The following ELF1 variants were observed in gnomAD, a reference collection of about 807,000 sequenced individuals.
The protein encoded by ELF1 is ETS-related transcription factor Elf-1.
A neutral mutation model predicts 59.9 loss-of-function variants in ELF1; 24 were observed. The ratio of observed to expected loss-of-function variants is 0.40; its 90% CI spans 0.29 to 0.56. The LOEUF is 0.56. ELF1 is among the 20% of genes least tolerant of loss of function. The probability of loss-of-function intolerance (pLI) is 0.44; values close to 1 mark genes in which losing one functional copy is unlikely to be tolerated. For synonymous variants in ELF1, 248 were observed against 266.2 expected (o/e 0.93, Z 0.67); for missense variants, 627 against 742.2 (o/e 0.84, Z 1.80).
At chr13:40,982,453 T>C (rs1472592966) in intron 1 of ELF1, among the ~76,000 whole-genome samples, 171 bp from the exon 2 acceptor site, 1 of 151,940 alleles carries the variant, frequency 6.6e-6, no homozygotes, top group Non-Finnish European at 1.5e-5. Context: ...ATATTTTATT[T>C]GAACAGTTTG....
chr13:41,006,504 ATCACCT>A (rs1231037332), intron 1 of ELF1, among the ~76,000 whole-genome samples: 1 of 152,160 alleles, frequency 6.6e-6, no homozygotes, highest in Non-Finnish European at 1.5e-5. Flanking sequence ...CCTAGTGTCC[ATCACCT>A]ACCCAACAAT....
chr13:41,060,199 C>A (rs7320923), intron 1 of ELF1, among the ~76,000 whole-genome samples: 1 of 152,128 alleles, frequency 6.6e-6, no homozygotes, highest in African/African-American at 2.4e-5. Context: ...CGCGTCCCCC[C>A]GGGAGGGCGC....
chr13:40,955,713 G>A (rs1402268136), intron 3 of ELF1, among the ~76,000 whole-genome samples: 25 of 122,000 alleles, frequency 2.0e-4, no homozygotes, highest in South Asian at 1.3e-3. Flanking sequence ...CGCCCCATCC[G>A]GGAGGGAGGC....
In ELF1 at chr13:40,969,967, T is replaced by A. The variant is rs537196421; in HGVS notation, c.73-10951A>T. Among the ~76,000 whole-genome samples, 8 of 152,314 alleles carry A rather than the reference T, an allele frequency of 5.3e-5. No individual in the cohort carries two copies. In the East Asian group the frequency reaches 1.5e-3, roughly 29 times the overall value. On this transcript the variant is annotated intron_variant, in intron 2 of 8. Transcript: ENST00000239882. ...ACGAAACTATCTGGGCCTACAGGTT[T>A]TGTGCATGTGGGGATTGTTCCCTGG...
chr13:41,058,522 G>A (rs898911037), intron 1 of ELF1, among the ~76,000 whole-genome samples: 2 of 152,180 alleles, frequency 1.3e-5, no homozygotes, highest in African/African-American at 2.4e-5. Flanking sequence ...ACAACTACAC[G>A]AAAGATAAAT....
Position 40,949,829 on chromosome 13 carries a change from G to A in ELF1, c.506C>T (p.Pro169Leu). The A allele has an allele frequency of 6.2e-7, 1 of 1,613,992 alleles. No homozygotes were observed. The highest frequency in any genetic ancestry group is 8.5e-7 in the Non-Finnish European group (1 of 1,179,976). Residue 169 changes from proline (P) to leucine (L), a missense_variant, in exon 5 of 9, where the codon CCA becomes CTA. Physicochemically the swap from Pro to Leu is moderately conservative, Grantham distance 98. Around this residue, in one of 3 missense-constraint regions of ELF1, gnomAD observed 232 missense variants for 269.2 expected, o/e 0.86. Coordinates refer to ENST00000239882, the MANE Select transcript of ELF1 (RefSeq NM_172373.4). ...ACCTTTTTTCCTCTTAGGCTGTTCT[G>A]GTGATGAGGCTCCCGGTGAGTCTGC... ...KYADSPGASS[P>L]EQPKRKKGRK...
chr13:41,017,120 A>C (rs1875451399), intron 1 of ELF1, among the ~76,000 whole-genome samples: 1 of 151,192 alleles, frequency 6.6e-6, no homozygotes, highest in South Asian at 2.1e-4. Flanking sequence ...GAAAAACAAA[A>C]AGTTGTTGTA....
intron 1 of ELF1, among the ~76,000 whole-genome samples, chr13:41,037,900 AGACT>A (rs1330155076): frequency 6.6e-6 from 1 of 152,210 alleles, no homozygotes; most frequent in Non-Finnish European, 1.5e-5. Flanking sequence ...TGTGCTACAC[AGACT>A]AAGAATTCAA....
chr13:40,953,219 GC>G lies in ELF1; in HGVS notation c.254-1784del, dbSNP rs201143275. Among the ~76,000 whole-genome samples, 472 of 151,956 alleles carry G rather than the reference GC, an allele frequency of 3.1e-3. 2 individuals are homozygous for G. Among genetic ancestry groups the G allele is most frequent in the African/African-American group, 0.011 (455 of 41,440 alleles). ...TTGAACTCCCGACCTCAGGTGATCTGCCCGCCTCGGCCTCCCAAAGTGCTGG... is the reference window on the plus strand; with the variant it reads ...TTGAACTCCCGACCTCAGGTGATCTGCCGCCTCGGCCTCCCAAAGTGCTGG... On this transcript the variant is annotated intron_variant, in intron 3 of 8. Transcript: ENST00000239882.
chr13:40,966,370 C>T (rs1392878313), intron 2 of ELF1, among the ~76,000 whole-genome samples: 1 of 152,152 alleles, frequency 6.6e-6, no homozygotes, highest in East Asian at 1.9e-4. Flanking sequence ...ATGTTGAAAG[C>T]AAAATTTCAG....
chr13:41,058,439 C>G (rs1480888686), intron 1 of ELF1, among the ~76,000 whole-genome samples: 1 of 152,138 alleles, frequency 6.6e-6, no homozygotes, highest in South Asian at 2.1e-4. Context: ...TGAGCAGAAC[C>G]GATTCCTCAC....
intron 3 of ELF1, among the ~76,000 whole-genome samples, chr13:40,956,194 A>G (rs1285997656): frequency 1.3e-5 from 2 of 150,960 alleles, no homozygotes; most frequent in African/African-American, 4.9e-5. Flanking sequence ...AGAAAGAGGT[A>G]GACGTGGGAG....
Position 40,932,313 on chromosome 13 carries a change from CT to C in ELF1, c.*1111del, listed in dbSNP as rs1869462259. ...TCAGAAAGTTGGATATATATGTTAT[CT>C]TTGTATGCAACCCCCCCCAAGTCCG... On this transcript the variant is annotated 3_prime_UTR_variant, in exon 9 of 9. Transcript: ENST00000239882. 1 of 151,908 alleles carries C rather than the reference CT, an allele frequency of 6.6e-6. No individual in the cohort carries two copies. Among genetic ancestry groups the C allele is most frequent in the South Asian group, 2.1e-4 (1 of 4,830 alleles). The allele number at this position is 151,908 out of a possible 1,614,324, so 9.4% of individuals were successfully genotyped here.
In ELF1 at chr13:40,933,637, C is replaced by T; in HGVS notation, c.1648G>A (p.Gly550Ser). 1 of 1,614,190 alleles carries T rather than the reference C, an allele frequency of 6.2e-7. No individual in the cohort carries two copies. The highest frequency in any genetic ancestry group is 8.5e-7 in the Non-Finnish European group (1 of 1,180,032). Reference sequence around the variant, plus strand: ...TTGATAACTGAAGTGATTACAGTGCCAGGTGGGTGAGCAACCAGCTGTGAA... The same window carrying T: ...TTGATAACTGAAGTGATTACAGTGCTAGGTGGGTGAGCAACCAGCTGTGAA... ...RSSQLVAHPPGTVITSVIKTQ... is the reference protein window; with the variant it reads ...RSSQLVAHPPSTVITSVIKTQ... The change falls in exon 9 of 9, where the codon GGC (glycine) becomes AGC (serine). Residue 550 changes from glycine to serine, a missense_variant. Coordinates refer to ENST00000239882, the MANE Select transcript of ELF1 (RefSeq NM_172373.4).
chr13:41,033,610 G>A (rs1876256943), intron 1 of ELF1, among the ~76,000 whole-genome samples: 1 of 152,194 alleles, frequency 6.6e-6, no homozygotes, highest in South Asian at 2.1e-4. Context: ...AGAGCAGCCA[G>A]AGAATTAGAT....
At chr13:40,974,434 A>G (rs913299495) in intron 2 of ELF1, among the ~76,000 whole-genome samples, 7 of 152,186 alleles carry the variant, frequency 4.6e-5, no homozygotes, top group Non-Finnish European at 1.0e-4. Flanking sequence ...CTTAGTAGCT[A>G]TGAAATTACA....
At chr13:40,955,965 C>CT (rs1464414060) in intron 3 of ELF1, among the ~76,000 whole-genome samples, 1 of 136,928 alleles carries the variant, frequency 7.3e-6, no homozygotes, top group East Asian at 2.2e-4. Context: ...GTCAGCCCCC[C>CT]GCCCGGCCAG....
chr13:41,032,834 G>A (rs1445375323), intron 1 of ELF1, among the ~76,000 whole-genome samples: 2 of 132,294 alleles, frequency 1.5e-5, no homozygotes, highest in Non-Finnish European at 3.2e-5. Flanking sequence ...GGGTGACAGA[G>A]CAAGACCTTG....
chr13:40,970,584 C>T (rs1265300233), intron 2 of ELF1, among the ~76,000 whole-genome samples: 1 of 152,162 alleles, frequency 6.6e-6, no homozygotes, highest in Non-Finnish European at 1.5e-5. Context: ...TGGAGGTTAA[C>T]ATGCAAAGAT....
Sources: allele counts gnomAD v4.1 joint callset (sites outside exome capture counted in the v4.1 genomes callset), GRCh38; gene constraint gnomAD v4.1.1; regional missense constraint gnomAD v4.1.1; transcripts MANE v1.5; gene names NCBI Gene and HGNC (gene_info 2026-07-23, HGNC 2026-07-21).